BBS9: variants seen among roughly 807,000 people sequenced by gnomAD.
BBS9 encodes protein PTHB1.
BBS9 carries 89 observed loss-of-function variants against 117.7 expected under a neutral mutation model. That is an observed-to-expected ratio of 0.76 (90% CI 0.64 to 0.90). The LOEUF (loss-of-function observed/expected upper bound fraction) is 0.90, where lower values mean the gene tolerates loss of function less well. Among genes scored for constraint, BBS9 ranks in the 40% least tolerant of loss-of-function variants. BBS9 has a pLI of 0.00. For missense variants in BBS9, 982 were observed against 1,042.2 expected, an observed-to-expected ratio of 0.94 and a Z score of 0.80; for synonymous variants, 379 against 370.9, an observed-to-expected ratio of 1.02 and a Z score of -0.25.
intron 16 of BBS9, among the ~76,000 whole-genome samples, chr7:33,361,809 T>C (rs1435162503): frequency 1.3e-5 from 2 of 152,174 alleles, no homozygotes; most frequent in Non-Finnish European, 2.9e-5. Flanking sequence ...AAATACTTAC[T>C]TATTTTTTCT....
At chr7:33,594,727 T>C (rs1045265684) in intron 21 of BBS9, among the ~76,000 whole-genome samples, 2 of 152,144 alleles carry the variant, frequency 1.3e-5, no homozygotes, top group Non-Finnish European at 2.9e-5. Context: ...TGATTCACCA[T>C]GCTGTATTAA....
At chr7:33,161,895 G>A (rs1794916383) in intron 4 of BBS9, among the ~76,000 whole-genome samples, 1 of 152,142 alleles carries the variant, frequency 6.6e-6, no homozygotes. Context: ...TTTTTCATGT[G>A]TCTGTTGGGT....
intron 4 of BBS9, among the ~76,000 whole-genome samples, chr7:33,164,967 C>A (rs111576107): frequency 6.6e-6 from 1 of 152,062 alleles, no homozygotes; most frequent in Middle Eastern, 3.2e-3. Flanking sequence ...TGGCTGATAC[C>A]GGTCTTTCCT....
In BBS9 at chr7:33,329,021, ATTTATTTG is replaced by A. The variant is rs1030284317; in HGVS notation, c.1017-7412_1017-7405del. Among the ~76,000 whole-genome samples, 54 of 149,338 alleles carry A rather than the reference ATTTATTTG, an allele frequency of 3.6e-4. 1 individual carries two copies. The highest frequency in any genetic ancestry group is 2.1e-4 in the South Asian group (1 of 4,702). ...TATTTATTTATTTATTTATTTATTT[ATTTATTTG>A]TTTATTTAGAAACGGAGTTTCGCTC... On this transcript the variant is annotated intron_variant, in intron 9 of 22. Transcript: ENST00000242067.
chr7:33,382,082 T>C (rs1398418232), intron 17 of BBS9, among the ~76,000 whole-genome samples: 2 of 152,200 alleles, frequency 1.3e-5, no homozygotes, highest in African/African-American at 4.8e-5. Context: ...ACTCCCAGTG[T>C]GTCTCTTTAT....
chr7:33,166,401 T>C (rs767789854), intron 4 of BBS9, among the ~76,000 whole-genome samples: 1 of 152,170 alleles, frequency 6.6e-6, no homozygotes, highest in African/African-American at 2.4e-5. Flanking sequence ...AGCTGTCAGA[T>C]AGGGAGGTTT....
chr7:33,593,000 TGA>T (rs1862181607), intron 21 of BBS9, among the ~76,000 whole-genome samples: 1 of 152,180 alleles, frequency 6.6e-6, no homozygotes, highest in Non-Finnish European at 1.5e-5. Context: ...TGTGTACTTT[TGA>T]GAGAGTATTG....
At chr7:33,267,988 T>G (rs1052254915) in intron 7 of BBS9, among the ~76,000 whole-genome samples, 12 of 152,210 alleles carry the variant, frequency 7.9e-5, no homozygotes, top group East Asian at 1.9e-4. Flanking sequence ...GTTTGATTTT[T>G]GGGGGCCTTG....
chr7:33,365,559 A>T (rs891586542), intron 16 of BBS9, among the ~76,000 whole-genome samples: 2 of 152,120 alleles, frequency 1.3e-5, no homozygotes, highest in Non-Finnish European at 2.9e-5. Context: ...TTTTTCTCCC[A>T]CCAGGGAAAT....
At chr7:33,526,517 C>A (rs1849525523) in intron 20 of BBS9, among the ~76,000 whole-genome samples, 1 of 151,158 alleles carries the variant, frequency 6.6e-6, no homozygotes, top group South Asian at 2.1e-4. Context: ...ATTGCTGATA[C>A]CCTTTCTTCC....
intron 4 of BBS9, 145 bp from the exon 5 acceptor site, chr7:33,177,333 G>T: frequency 1.5e-6 from 1 of 652,268 alleles, no homozygotes; most frequent in Non-Finnish European, 2.7e-6. Context: ...TCATCAGTAT[G>T]CTAATTTTTC....
chr7:33,138,387 T>G (rs1790892039), intron 1 of BBS9, among the ~76,000 whole-genome samples: 1 of 151,222 alleles, frequency 6.6e-6, no homozygotes, highest in Non-Finnish European at 1.5e-5. Flanking sequence ...AAATATCCAC[T>G]TAGGCAATCA....
intron 19 of BBS9, among the ~76,000 whole-genome samples, chr7:33,427,181 G>A (rs1237910806): frequency 1.3e-5 from 2 of 152,176 alleles, no homozygotes; most frequent in Non-Finnish European, 2.9e-5. Flanking sequence ...GATGTTCTGG[G>A]TACTCTTGTT....
At chr7:33,416,831 A>C (rs963371157) in intron 19 of BBS9, among the ~76,000 whole-genome samples, 3 of 152,192 alleles carry the variant, frequency 2.0e-5, no homozygotes, top group Non-Finnish European at 4.4e-5. Context: ...TTTAGTGAGC[A>C]AAAAATGACT....
chr7:33,318,097 A>G (rs1810921270), intron 9 of BBS9, among the ~76,000 whole-genome samples: 1 of 152,168 alleles, frequency 6.6e-6, no homozygotes, highest in East Asian at 1.9e-4. Context: ...GTCTCAAACA[A>G]AACAAAACAA....
chr7:33,456,898 T>A (rs939486370), intron 19 of BBS9, among the ~76,000 whole-genome samples: 1 of 152,228 alleles, frequency 6.6e-6, no homozygotes, highest in Non-Finnish European at 1.5e-5. Context: ...TGATCATTAG[T>A]TGGTTTTCCT....
rs529818009 is a variant in BBS9, at chr7:33,142,082, C to T, written c.-11-4160C>T. On this transcript the variant is annotated intron_variant, in intron 1 of 22. Transcript: ENST00000242067. ...TCCCGAGTAACTGGGACTACCCGCC[C>T]GGCTAATTTTTTGTATTCTTAGTAG... Among the ~76,000 whole-genome samples the T allele has an allele frequency of 1.9e-3, 295 of 152,186 alleles. 9 individuals are homozygous for T. The South Asian group carries it at 0.053, about 27-fold the overall frequency.
chr7:33,492,877 G>A (rs1844208601), intron 19 of BBS9, among the ~76,000 whole-genome samples: 1 of 150,138 alleles, frequency 6.7e-6, no homozygotes, highest in Non-Finnish European at 1.5e-5. Context: ...GGTACAGTAT[G>A]GCACAGTGGA....
At chr7:33,468,412 G>A (rs1840493137) in intron 19 of BBS9, among the ~76,000 whole-genome samples, 1 of 151,998 alleles carries the variant, frequency 6.6e-6, no homozygotes, top group East Asian at 1.9e-4. Flanking sequence ...TAGAATAATT[G>A]TACATATTTA....
Sources: allele counts gnomAD v4.1 joint callset (sites outside exome capture counted in the v4.1 genomes callset), GRCh38; gene constraint gnomAD v4.1.1; transcripts MANE v1.5; gene names NCBI Gene and HGNC (gene_info 2026-07-23, HGNC 2026-07-21).